DIAPH2: variants seen among roughly 807,000 people sequenced by gnomAD.
DIAPH2 encodes the protein diaphanous related formin 2.
Under a neutral mutation model 92.7 loss-of-function variants are expected in DIAPH2, and 35 were observed. The ratio of observed to expected loss-of-function variants is 0.38; its 90% confidence interval spans 0.29 to 0.50. DIAPH2 has a LOEUF of 0.50. DIAPH2 is among the 20% of genes least tolerant of loss of function. The pLI is 0.94. For missense variants in DIAPH2, 701 were observed against 819.5 expected, an observed-to-expected ratio of 0.86 and a Z score of 1.77; for synonymous variants, 301 against 280.4, an observed-to-expected ratio of 1.07 and a Z score of -0.73.
chrX:97,153,442 G>A (rs902723499), intron 22 of DIAPH2, among the ~76,000 whole-genome samples: 1 of 109,952 alleles, frequency 9.1e-6, no homozygotes, highest in African/African-American at 3.3e-5. Flanking sequence ...AAAATTAGCC[G>A]GGCGAGGTGG....
chrX:97,368,768 C>G (rs1180341249), intron 24 of DIAPH2, among the ~76,000 whole-genome samples: 2 of 111,052 alleles, frequency 1.8e-5, no homozygotes, highest in African/African-American at 6.5e-5. Context: ...TCAGCATTGT[C>G]TTCATTAAGT....
chrX:96,821,849 A>G (rs1038362773), intron 4 of DIAPH2, among the ~76,000 whole-genome samples: 1 of 111,735 alleles, frequency 8.9e-6, no homozygotes, highest in Non-Finnish European at 1.9e-5. Flanking sequence ...AGCTCTTTTA[A>G]AAGTTATTTT....
intron 1 of DIAPH2, among the ~76,000 whole-genome samples, chrX:96,710,228 A>G (rs1391920308): frequency 6.3e-5 from 7 of 111,763 alleles, no homozygotes; most frequent in African/African-American, 1.3e-4. Flanking sequence ...TTCTCCTACC[A>G]CAATAGTTCT....
chrX:96,937,382 G>A (rs200756160), intron 11 of DIAPH2, 31 bp downstream of exon 11: 4 of 954,144 alleles, frequency 4.2e-6, no homozygotes, highest in African/African-American at 3.9e-5. Context: ...AAACAATTTT[G>A]TTTGCATTGT....
chrX:96,882,959 CAA>C (rs1211958338), intron 5 of DIAPH2, among the ~76,000 whole-genome samples: 13 of 31,992 alleles, frequency 4.1e-4, no homozygotes, highest in African/African-American at 1.4e-3. Flanking sequence ...ACCCTGTCTC[CAA>C]AAAAAAAAAA....
chrX:96,955,603 C>T (rs183648134), intron 15 of DIAPH2, among the ~76,000 whole-genome samples: 246 of 111,764 alleles, frequency 2.2e-3, no homozygotes, highest in Non-Finnish European at 3.9e-3. Context: ...CTAGTCACTT[C>T]CTAGATACAA....
At chrX:97,087,472 G>A (rs1030268620) in intron 19 of DIAPH2, among the ~76,000 whole-genome samples, 4 of 111,161 alleles carry the variant, frequency 3.6e-5, no homozygotes, top group Non-Finnish European at 7.5e-5. Context: ...CTACTCTTCG[G>A]CGGTTTATAC....
intron 24 of DIAPH2, among the ~76,000 whole-genome samples, chrX:97,373,810 T>C (rs770449238): frequency 1.6e-4 from 17 of 109,494 alleles, no homozygotes; most frequent in Middle Eastern, 4.7e-3. Flanking sequence ...TTCTCCATGT[T>C]GGTCAGGTTT....
intron 4 of DIAPH2, among the ~76,000 whole-genome samples, chrX:96,852,283 G>A (rs1239493784): frequency 7.2e-5 from 8 of 111,753 alleles, no homozygotes; most frequent in Non-Finnish European, 1.5e-4. Flanking sequence ...GTGTTTTCAA[G>A]CTTTTTCCAG....
chrX:97,235,674 A>G (rs909185181), intron 22 of DIAPH2, among the ~76,000 whole-genome samples: 11 of 109,402 alleles, frequency 1.0e-4, no homozygotes, highest in Non-Finnish European at 1.3e-4. Flanking sequence ...GCGCTTTCTC[A>G]CTACACTTAA....
At chrX:96,899,097 G>A (rs1602610742) in intron 5 of DIAPH2, among the ~76,000 whole-genome samples, 1 of 110,727 alleles carries the variant, frequency 9.0e-6, no homozygotes, top group African/African-American at 3.3e-5. Context: ...TCTCTGTTTT[G>A]GTACCAGTAC....
At chrX:97,361,371 A>G (rs921303440) in intron 24 of DIAPH2, among the ~76,000 whole-genome samples, 3 of 111,909 alleles carry the variant, frequency 2.7e-5, no homozygotes, top group South Asian at 3.7e-4. Context: ...TTAATTTTCA[A>G]TTATTACTAT....
intron 22 of DIAPH2, among the ~76,000 whole-genome samples, chrX:97,188,623 T>A (rs1009529781): frequency 2.7e-5 from 3 of 112,329 alleles, no homozygotes; most frequent in Non-Finnish European, 5.6e-5. Flanking sequence ...AAGTACATAG[T>A]TTAACCACCA....
chrX:97,214,262 C>A (rs1040107803), intron 22 of DIAPH2, among the ~76,000 whole-genome samples: 2 of 111,406 alleles, frequency 1.8e-5, no homozygotes, highest in Non-Finnish European at 3.8e-5. Context: ...AAAGTAAGAA[C>A]AAAAACTATT....
rs2071596780 is a variant in DIAPH2, at chrX:97,601,626, C to A, written c.*2309C>A. ...ATTTTTAGTATGAAACCAAATTACA[C>A]TAAGGTCTTTTGTTGGCCATATTAC... On this transcript the variant is annotated 3_prime_UTR_variant, in exon 27 of 27. Coordinates refer to ENST00000324765, the MANE Select transcript of DIAPH2 (RefSeq NM_006729.5). 1 of 111,772 alleles carries A rather than the reference C, an allele frequency of 8.9e-6. No homozygotes were observed. The highest frequency in any genetic ancestry group is 3.8e-4 in the South Asian group (1 of 2,650). 9.2% of individuals were successfully genotyped at this position (111,772 alleles called of 1,213,427 possible). A position where few individuals can be genotyped will look rare whatever the true frequency, so the allele number is the denominator to read the frequency against.
intron 25 of DIAPH2, among the ~76,000 whole-genome samples, chrX:97,412,457 A>T (rs2069886822): frequency 8.9e-6 from 1 of 112,188 alleles, no homozygotes; most frequent in Non-Finnish European, 1.9e-5. Flanking sequence ...AGCAGGAAAC[A>T]TCTAAAATCA....
chrX:97,102,710 C>T (rs996789946), intron 20 of DIAPH2, among the ~76,000 whole-genome samples: 4 of 111,791 alleles, frequency 3.6e-5, no homozygotes, highest in Admixed American at 9.5e-5. Context: ...GAAGCCGAGG[C>T]GGGAGGATCA....
intron 3 of DIAPH2, among the ~76,000 whole-genome samples, chrX:96,740,487 G>A: frequency 2.7e-5 from 3 of 112,273 alleles, no homozygotes; most frequent in African/African-American, 9.7e-5. Context: ...ACCTTTTGCA[G>A]TATTGAAATA....
At chrX:96,746,434 T>G (rs953471332) in intron 3 of DIAPH2, among the ~76,000 whole-genome samples, 3 of 112,071 alleles carry the variant, frequency 2.7e-5, no homozygotes, top group Non-Finnish European at 5.6e-5. Context: ...GATTCTTGTC[T>G]CCCTCCCATA....
Sources: allele counts gnomAD v4.1 joint callset (sites outside exome capture counted in the v4.1 genomes callset), GRCh38; gene constraint gnomAD v4.1.1; transcripts MANE v1.5; gene names NCBI Gene and HGNC (gene_info 2026-07-23, HGNC 2026-07-21).